Variants in ELMO1 observed in about 807,000 individuals in gnomAD.
ELMO1 encodes engulfment and cell motility 1, also known as engulfment and cell motility protein 1.
In ELMO1, 26 loss-of-function variants were observed where a neutral mutation model predicts 98.9. The ratio of observed to expected loss-of-function variants is 0.26; its 90% CI spans 0.19 to 0.36. The LOEUF (loss-of-function observed/expected upper bound fraction) is 0.36, where lower values mean the gene tolerates loss of function less well. Among genes scored for constraint, ELMO1 ranks in the 10% least tolerant of loss-of-function variants. The pLI is 1.00. For missense variants in ELMO1, 627 were observed against 935.2 expected, an observed-to-expected ratio of 0.67 and a Z score of 4.30; for synonymous variants, 346 against 346.0, an observed-to-expected ratio of 1.00 and a Z score of 0.00.
chr7:37,155,368 A>G (rs1788664255), intron 13 of ELMO1, among the ~76,000 whole-genome samples: 1 of 152,130 alleles, frequency 6.6e-6, no homozygotes, highest in Non-Finnish European at 1.5e-5. Flanking sequence ...CAGACTGGCA[A>G]ACTGGATAAA....
chr7:37,169,923 G>A (rs1277792837), intron 13 of ELMO1, among the ~76,000 whole-genome samples: 1 of 150,356 alleles, frequency 6.7e-6, no homozygotes, highest in African/African-American at 2.4e-5. Context: ...TTTTTTTTGA[G>A]ACAGTCTCAC....
chr7:36,962,415 T>G (rs55698803), intron 16 of ELMO1, among the ~76,000 whole-genome samples: 5,367 of 152,102 alleles, frequency 0.035, 283 homozygotes, highest in African/African-American at 0.11. Context: ...GGAAGATGGG[T>G]TAGCGTGGGA....
chr7:37,371,843 G>C (rs1039018198), intron 1 of ELMO1, among the ~76,000 whole-genome samples: 1 of 152,166 alleles, frequency 6.6e-6, no homozygotes, highest in Admixed American at 6.5e-5. Context: ...GATGAGTTGC[G>C]AAGAGCAGCC....
chr7:37,043,891 G>A (rs1795661239), intron 15 of ELMO1, among the ~76,000 whole-genome samples: 1 of 152,096 alleles, frequency 6.6e-6, no homozygotes, highest in Non-Finnish European at 1.5e-5. Flanking sequence ...TCAAGAACTC[G>A]GGGGTCCTCA....
intron 1 of ELMO1, among the ~76,000 whole-genome samples, chr7:37,440,069 C>A (rs1805334733): frequency 6.6e-6 from 1 of 152,068 alleles, no homozygotes; most frequent in Non-Finnish European, 1.5e-5. Context: ...CGGTCCCACT[C>A]CCCCAAACCA....
chr7:36,980,035 A>G (rs2129142626), intron 16 of ELMO1, among the ~76,000 whole-genome samples: 1 of 152,336 alleles, frequency 6.6e-6, no homozygotes, highest in African/African-American at 2.4e-5. Flanking sequence ...TCTCCTTGAC[A>G]GGTCTCTCAT....
At chr7:37,031,278 C>T (rs1000499722) in intron 15 of ELMO1, among the ~76,000 whole-genome samples, 2 of 152,146 alleles carry the variant, frequency 1.3e-5, no homozygotes, top group African/African-American at 4.8e-5. Flanking sequence ...CTTCACAACA[C>T]GGACCCTGAC....
At chr7:37,389,125 C>T (rs941850956) in intron 1 of ELMO1, among the ~76,000 whole-genome samples, 3 of 152,066 alleles carry the variant, frequency 2.0e-5, no homozygotes, top group Non-Finnish European at 4.4e-5. Flanking sequence ...AATGCAACAC[C>T]AAAGCACTAC....
chr7:37,249,750 C>A (rs1321396127), intron 6 of ELMO1, among the ~76,000 whole-genome samples: 1 of 152,146 alleles, frequency 6.6e-6, no homozygotes, highest in Non-Finnish European at 1.5e-5. Flanking sequence ...AATTAAATAT[C>A]CACAAAAATT....
intron 1 of ELMO1, among the ~76,000 whole-genome samples, chr7:37,399,720 G>A (rs778949397): frequency 2.0e-5 from 3 of 152,186 alleles, no homozygotes; most frequent in Non-Finnish European, 4.4e-5. Flanking sequence ...GTCATCTGCA[G>A]CATCATTACT....
intron 7 of ELMO1, among the ~76,000 whole-genome samples, chr7:37,236,988 T>A (rs559573323): frequency 6.6e-6 from 1 of 152,324 alleles, no homozygotes; most frequent in East Asian, 1.9e-4. Flanking sequence ...ACATTTTTAT[T>A]TGTTTGGATT....
Position 36,995,506 on chromosome 7 carries a change from C to CAA in ELMO1, c.1437+17791_1437+17792dup, listed in dbSNP as rs370173470. ...CTGGTGACAGAGTGAGACTCTGTCT[C>CAA]AAAAAAAAAAAAAATCATTCAATCC... is the stretch of plus-strand genomic sequence containing the variant. On this transcript the variant is annotated intron_variant, in intron 16 of 21. Coordinates refer to ENST00000310758, the MANE Select transcript of ELMO1 (RefSeq NM_014800.11). Among the ~76,000 whole-genome samples, 456 of 120,730 alleles carry CAA rather than the reference C, an allele frequency of 3.8e-3. 3 individuals carry two copies. The highest frequency in any genetic ancestry group is 0.013 in the African/African-American group (426 of 32,912). 79.2% of individuals were successfully genotyped at this position (120,730 alleles called of 152,430 possible).
chr7:37,168,714 G>A (rs1364510458), intron 13 of ELMO1, among the ~76,000 whole-genome samples: 1 of 152,196 alleles, frequency 6.6e-6, no homozygotes, highest in Non-Finnish European at 1.5e-5. Context: ...TCTCAGAGGA[G>A]TACCCTGCCG....
At chr7:37,276,446 A>G (rs1025011473) in intron 4 of ELMO1, among the ~76,000 whole-genome samples, 1 of 151,982 alleles carries the variant, frequency 6.6e-6, no homozygotes, top group East Asian at 1.9e-4. Context: ...ATCTCTACCA[A>G]AAATACAAAA....
intron 13 of ELMO1, among the ~76,000 whole-genome samples, chr7:37,198,987 T>C (rs1256945630): frequency 6.6e-6 from 1 of 152,230 alleles, no homozygotes; most frequent in Non-Finnish European, 1.5e-5. Flanking sequence ...CTGCTCTTTA[T>C]TGAAGTGCCA....
intron 16 of ELMO1, among the ~76,000 whole-genome samples, chr7:36,944,893 G>A (rs1787347291): frequency 6.6e-6 from 1 of 152,202 alleles, no homozygotes; most frequent in Non-Finnish European, 1.5e-5. Context: ...TGCCCCACCA[G>A]AAAAGCAAAG....
intron 5 of ELMO1, among the ~76,000 whole-genome samples, chr7:37,265,519 G>A (rs994238827): frequency 2.6e-5 from 4 of 151,884 alleles, no homozygotes; most frequent in Admixed American, 6.6e-5. Context: ...TGTTGCCTCC[G>A]TTCTACCTCC....
chr7:37,388,135 A>AT (rs1424699887), intron 1 of ELMO1, among the ~76,000 whole-genome samples: 20 of 152,286 alleles, frequency 1.3e-4, no homozygotes, highest in African/African-American at 4.3e-4. Flanking sequence ...CCATCTAGTA[A>AT]CAATCTGTGG....
intron 1 of ELMO1, among the ~76,000 whole-genome samples, chr7:37,442,080 C>T (rs532429113): frequency 1.3e-5 from 2 of 152,294 alleles, no homozygotes; most frequent in East Asian, 3.9e-4. Context: ...ATCTGCAATA[C>T]CTGGAGACAT....
Sources: allele counts gnomAD v4.1 joint callset (sites outside exome capture counted in the v4.1 genomes callset), GRCh38; gene constraint gnomAD v4.1.1; transcripts MANE v1.5; gene names NCBI Gene and HGNC (gene_info 2026-07-23, HGNC 2026-07-21).